Variants in TBC1D5 observed in about 807,000 individuals in gnomAD.
The protein encoded by TBC1D5 is TBC1 domain family member 5.
In TBC1D5, 75 loss-of-function variants were observed where a neutral mutation model predicts 100.3. The ratio of observed to expected loss-of-function variants is 0.75; its 90% confidence interval spans 0.62 to 0.91. The LOEUF (loss-of-function observed/expected upper bound fraction) is 0.91, where lower values mean the gene tolerates loss of function less well. Among genes scored for constraint, TBC1D5 ranks in the 40% least tolerant of loss-of-function variants. TBC1D5 has a pLI of 0.00. For missense variants in TBC1D5, 910 were observed against 942.4 expected (o/e 0.97, Z 0.45); for synonymous variants, 323 against 325.6 (o/e 0.99, Z 0.09).
At chr3:17,420,105 TA>T (rs1344923618) in intron 4 of TBC1D5, among the ~76,000 whole-genome samples, 1 of 152,094 alleles carries the variant, frequency 6.6e-6, no homozygotes, top group Admixed American at 6.6e-5. Flanking sequence ...GGTCTGTGTT[TA>T]ACTCCTCTTT....
chr3:17,468,484 G>A lies in TBC1D5; in HGVS notation c.98-39965C>T, dbSNP rs374243719. On this transcript the variant is annotated intron_variant, in intron 3 of 21. Coordinates refer to ENST00000253692, the Ensembl canonical transcript of TBC1D5. ...CTTAAATTGCAATATTGCAATATTC[G>A]TTTCTTTTTTCCAAAGAAATTACTG... 1.0e-3 allele frequency among the ~76,000 whole-genome samples: 156 copies of A among 151,786 alleles called. 2 individuals carry two copies. In the South Asian group the frequency reaches 0.019, roughly 18 times the overall value.
rs185155262 is a variant in TBC1D5 at position 17,222,483 on chromosome 3, T to C, written c.1589-8113A>G. 7.5e-4 allele frequency among the ~76,000 whole-genome samples: 114 copies of C among 152,226 alleles called. 2 individuals are homozygous for C. In the South Asian group the frequency reaches 0.011, roughly 15 times the overall value. Reference sequence around the variant, plus strand: ...TTCTTACATGTCCCCAAATGTCCATTTTTTTTCTTCCCATTTGAATGTTAG... The same window carrying C: ...TTCTTACATGTCCCCAAATGTCCATCTTTTTTCTTCCCATTTGAATGTTAG... On this transcript the variant is annotated intron_variant, in intron 17 of 21. Coordinates refer to ENST00000253692, the Ensembl canonical transcript of TBC1D5.
intron 1 of TBC1D5, among the ~76,000 whole-genome samples, chr3:17,683,465 G>GA (rs2069783215): frequency 6.8e-6 from 1 of 146,514 alleles, no homozygotes; most frequent in African/African-American, 2.8e-5. Flanking sequence ...AATTAAATCA[G>GA]AAAATTCAAG....
At chr3:17,418,207 A>G (rs899509460) in intron 4 of TBC1D5, among the ~76,000 whole-genome samples, 3 of 152,212 alleles carry the variant, frequency 2.0e-5, no homozygotes, top group African/African-American at 4.8e-5. Flanking sequence ...ATTTCTAGGT[A>G]CATAATACTC....
At chr3:17,265,589 C>G (rs1208654588) in intron 15 of TBC1D5, among the ~76,000 whole-genome samples, 1 of 152,062 alleles carries the variant, frequency 6.6e-6, no homozygotes, top group African/African-American at 2.4e-5. Flanking sequence ...AAGCAAAAAG[C>G]TCTGGGGGAA....
intron 2 of TBC1D5, among the ~76,000 whole-genome samples, chr3:17,509,426 A>G (rs1173911189): frequency 6.6e-6 from 1 of 152,036 alleles, no homozygotes; most frequent in Admixed American, 6.5e-5. Context: ...GATTTTAGCA[A>G]ACTGTACTCT....
At chr3:17,193,142 G>A (rs1010501728) in intron 18 of TBC1D5, among the ~76,000 whole-genome samples, 2 of 152,160 alleles carry the variant, frequency 1.3e-5, no homozygotes, top group Non-Finnish European at 2.9e-5. Context: ...GGGGTGGCCC[G>A]GTGAGGCATG....
intron 16 of TBC1D5, among the ~76,000 whole-genome samples, chr3:17,248,919 A>G (rs1423598952): frequency 2.6e-5 from 4 of 152,196 alleles, no homozygotes; most frequent in African/African-American, 7.2e-5. Context: ...TGCAGCTTCT[A>G]TATCAGTACT....
intron 1 of TBC1D5, among the ~76,000 whole-genome samples, chr3:17,737,126 C>T (rs1407536259): frequency 6.6e-6 from 1 of 152,164 alleles, no homozygotes; most frequent in East Asian, 1.9e-4. Context: ...CAGCCGGTTC[C>T]TAAGATATGT....
chr3:17,428,820 C>A (rs1192615508), intron 3 of TBC1D5, among the ~76,000 whole-genome samples: 2 of 151,772 alleles, frequency 1.3e-5, no homozygotes, highest in African/African-American at 2.4e-5. Context: ...AAATTATAAA[C>A]CAGTGTTTAT....
chr3:17,620,074 C>G (rs1299622683), intron 2 of TBC1D5, among the ~76,000 whole-genome samples: 18 of 152,170 alleles, frequency 1.2e-4, no homozygotes, highest in Non-Finnish European at 2.1e-4. Context: ...CAAAATGTTA[C>G]AGCCCCCATG....
At chr3:17,635,256 A>G (rs2063808821) in intron 1 of TBC1D5, among the ~76,000 whole-genome samples, 1 of 152,244 alleles carries the variant, frequency 6.6e-6, no homozygotes, top group Non-Finnish European at 1.5e-5. Flanking sequence ...TCAGATAGCT[A>G]AAAGTAGGTG....
chr3:17,253,947 C>T (rs2077398320), intron 16 of TBC1D5, among the ~76,000 whole-genome samples: 1 of 152,152 alleles, frequency 6.6e-6, no homozygotes, highest in Non-Finnish European at 1.5e-5. Flanking sequence ...ATGCAGGTTC[C>T]TATATGAGAG....
intron 1 of TBC1D5, among the ~76,000 whole-genome samples, chr3:17,701,853 T>C (rs1001806422): frequency 6.6e-6 from 1 of 151,570 alleles, no homozygotes; most frequent in Non-Finnish European, 1.5e-5. Flanking sequence ...GCTTTTTCTT[T>C]TTTTTTTTTC....
chr3:17,566,231 A>C (rs572250735), intron 2 of TBC1D5, among the ~76,000 whole-genome samples: 1 of 152,196 alleles, frequency 6.6e-6, no homozygotes, highest in Non-Finnish European at 1.5e-5. Flanking sequence ...TCTGCTGTGA[A>C]CATGTGGAAT....
chr3:17,689,422 C>T (rs1439409259), intron 1 of TBC1D5, among the ~76,000 whole-genome samples: 1 of 151,292 alleles, frequency 6.6e-6, no homozygotes, highest in Non-Finnish European at 1.5e-5. Flanking sequence ...GCCTATGGCC[C>T]CAGCTAGCCA....
intron 2 of TBC1D5, among the ~76,000 whole-genome samples, chr3:17,559,423 C>A (rs1199402614): frequency 6.6e-6 from 1 of 151,974 alleles, no homozygotes; most frequent in Non-Finnish European, 1.5e-5. Flanking sequence ...GTATTACAGG[C>A]ATGAGCCACT....
At chr3:17,705,809 G>A (rs1012708002) in intron 1 of TBC1D5, among the ~76,000 whole-genome samples, 3 of 146,858 alleles carry the variant, frequency 2.0e-5, no homozygotes, top group African/African-American at 2.5e-5. Flanking sequence ...GACGATGGGC[G>A]GCCAGGCAGA....
chr3:17,547,408 T>C (rs2096429065), intron 2 of TBC1D5, among the ~76,000 whole-genome samples: 1 of 152,160 alleles, frequency 6.6e-6, no homozygotes, highest in Non-Finnish European at 1.5e-5. Context: ...ACCTAACCAA[T>C]TTCATCATCA....
Sources: allele counts gnomAD v4.1 joint callset (sites outside exome capture counted in the v4.1 genomes callset), GRCh38; gene constraint gnomAD v4.1.1; transcripts MANE v1.5; gene names NCBI Gene and HGNC (gene_info 2026-07-23, HGNC 2026-07-21).